SUGCT: variants seen among roughly 807,000 people sequenced by gnomAD.
SUGCT encodes succinyl-CoA:glutarate-CoA transferase.
In SUGCT, 41 loss-of-function variants were observed where a neutral mutation model predicts 55.0. The ratio of observed to expected loss-of-function variants is 0.74; its 90% CI spans 0.58 to 0.97. The LOEUF (loss-of-function observed/expected upper bound fraction) is 0.97. Among genes scored for constraint, SUGCT ranks in the 50% least tolerant of loss-of-function variants. SUGCT has a pLI of 0.00. For synonymous variants in SUGCT, 187 were observed against 200.4 expected, an observed-to-expected ratio of 0.93 and a Z score of 0.56; for missense variants, 568 against 547.8, an observed-to-expected ratio of 1.04 and a Z score of -0.37.
intron 12 of SUGCT, among the ~76,000 whole-genome samples, chr7:40,601,491 A>T (rs1447991971): frequency 1.3e-5 from 2 of 152,202 alleles, no homozygotes; most frequent in African/African-American, 4.8e-5. Context: ...CTGTTGTGGA[A>T]ATACTTACAT....
intron 13 of SUGCT, among the ~76,000 whole-genome samples, chr7:40,841,536 T>A (rs1244678935): frequency 6.6e-6 from 1 of 152,180 alleles, no homozygotes; most frequent in Non-Finnish European, 1.5e-5. Context: ...ACAGAACAAG[T>A]ACCTGTTGTA....
At chr7:40,933,158 G>T in the SUGCT span, among the ~76,000 whole-genome samples, 1 of 152,078 alleles carries the variant, frequency 6.6e-6, no homozygotes, top group African/African-American at 2.4e-5. Flanking sequence ...GCGTTTGCTT[G>T]TCTGTAAAGG....
rs917586517 is a variant in SUGCT, at chr7:40,146,868, T to C, written c.100+11748T>C. On this transcript the variant is annotated intron_variant, in intron 1 of 13. Transcript: ENST00000335693. ...GTGTTATAGGGTCACAGAGAAGACC[T>C]TCAATTATAGGTTTTAAATTTACCT... Among the ~76,000 whole-genome samples, 9 of 152,326 alleles carry C rather than the reference T, an allele frequency of 5.9e-5. No homozygotes were observed. In the South Asian group the frequency reaches 6.2e-4, roughly 11 times the overall value.
intron 13 of SUGCT, among the ~76,000 whole-genome samples, chr7:40,854,352 T>G (rs1794011952): frequency 6.6e-6 from 1 of 152,152 alleles, no homozygotes; most frequent in African/African-American, 2.4e-5. Flanking sequence ...GGGACCTTCT[T>G]TCCCTATGCT....
chr7:40,269,781 GATCTTTTGCCC>G (rs1791882030), intron 7 of SUGCT, among the ~76,000 whole-genome samples: 1 of 152,148 alleles, frequency 6.6e-6, no homozygotes, highest in Admixed American at 6.5e-5. Flanking sequence ...TGTCTATTGA[GATCTTTTGCCC>G]ATATTTAAAT....
chr7:40,446,798 A>G (rs1230370585), intron 9 of SUGCT, among the ~76,000 whole-genome samples: 1 of 152,164 alleles, frequency 6.6e-6, no homozygotes, highest in Non-Finnish European at 1.5e-5. Context: ...GTTCCACTCT[A>G]CCAGCACTGT....
At chr7:40,278,841 T>TAA (rs36033574) in intron 8 of SUGCT, among the ~76,000 whole-genome samples, 10 of 148,316 alleles carry the variant, frequency 6.7e-5, no homozygotes, top group African/African-American at 2.5e-4. Flanking sequence ...TTTTTTTTTT[T>TAA]AAAGAGATAC....
In SUGCT at chr7:40,329,193, C is replaced by T. The variant is rs186009284; in HGVS notation, c.816+12338C>T. On this transcript the variant is annotated intron_variant, in intron 9 of 13. Transcript: ENST00000335693. ...TGCAGGCTGCCTGGGGGGAAAATAA[C>T]TGAGTTCTGATATGGTACCAATTAC... is the stretch of plus-strand genomic sequence containing the variant. Among the ~76,000 whole-genome samples, 19 of 152,194 alleles carry T rather than the reference C, an allele frequency of 1.2e-4. No homozygotes were observed. The East Asian group carries it at 3.5e-3, about 28-fold the overall frequency.
intron 9 of SUGCT, among the ~76,000 whole-genome samples, chr7:40,333,760 C>T (rs1293034555): frequency 7.5e-6 from 1 of 133,258 alleles, no homozygotes; most frequent in Non-Finnish European, 1.6e-5. Context: ...ACCAGTGGCT[C>T]TTTTTTTTTA....
chr7:40,218,913 A>AAATAAAAGGGATT (rs1787845074), intron 6 of SUGCT, among the ~76,000 whole-genome samples: 5 of 152,156 alleles, frequency 3.3e-5, no homozygotes, highest in Admixed American at 3.3e-4. Flanking sequence ...AAAGCTGGCC[A>AAATAAAAGGGATT]CCCGAGCCAG....
chr7:40,959,479 C>T, the SUGCT span, among the ~76,000 whole-genome samples: 5 of 152,174 alleles, frequency 3.3e-5, no homozygotes, highest in Non-Finnish European at 5.9e-5. Context: ...AGGGGAAAAC[C>T]ACCTACTCAA....
intron 9 of SUGCT, among the ~76,000 whole-genome samples, chr7:40,324,317 G>GTTTAATATTAGGCAAATAATATAA (rs1584683595): frequency 6.7e-6 from 1 of 148,610 alleles, no homozygotes; most frequent in East Asian, 2.0e-4. Context: ...GTGCAGTGGC[G>GTTTAATATTAGGCAAATAATATAA]CAATCTCAGC....
chr7:41,014,976 A>T, the SUGCT span, among the ~76,000 whole-genome samples: 3 of 152,224 alleles, frequency 2.0e-5, no homozygotes, highest in African/African-American at 7.2e-5. Flanking sequence ...ATGTTCCAAT[A>T]AATTACCTGA....
intron 8 of SUGCT, among the ~76,000 whole-genome samples, chr7:40,279,001 A>AT (rs111686538): frequency 0.41 from 50,371 of 122,880 alleles, 9,166 homozygotes; most frequent in East Asian, 0.52. Context: ...TAATTTTTGT[A>AT]TTTTTTTTTT....
intron 13 of SUGCT, chr7:40,782,848 G>C (rs1789824071): frequency 6.6e-6 from 1 of 152,260 alleles, no homozygotes; most frequent in Non-Finnish European, 1.5e-5. Context: ...TTTTATCACA[G>C]TATCTTGGGA....
At chr7:40,523,954 A>AATCC (rs1384565584) in intron 12 of SUGCT, among the ~76,000 whole-genome samples, 2 of 152,088 alleles carry the variant, frequency 1.3e-5, no homozygotes, top group Admixed American at 1.3e-4. Flanking sequence ...AGATTTTAGA[A>AATCC]TCACATGAGA....
chr7:40,916,140 G>A, the SUGCT span, among the ~76,000 whole-genome samples: 1 of 151,812 alleles, frequency 6.6e-6, no homozygotes, highest in African/African-American at 2.4e-5. Flanking sequence ...GTATATGAAT[G>A]TTAGGCAGCC....
chr7:40,543,941 G>A (rs1192350871), intron 12 of SUGCT, among the ~76,000 whole-genome samples: 1 of 152,146 alleles, frequency 6.6e-6, no homozygotes, highest in Non-Finnish European at 1.5e-5. Flanking sequence ...TGAGAAAACA[G>A]AAGCCTGTTT....
chr7:40,766,715 A>T (rs1788809394), intron 13 of SUGCT, among the ~76,000 whole-genome samples: 1 of 152,202 alleles, frequency 6.6e-6, no homozygotes, highest in Non-Finnish European at 1.5e-5. Flanking sequence ...TGTAGATTTT[A>T]GCAAATACAC....
Sources: gnomAD v4.1 joint callset for allele counts (sites outside exome capture counted in the v4.1 genomes callset) on GRCh38, gnomAD v4.1.1 for gene constraint, MANE v1.5 for transcripts, NCBI Gene and HGNC (gene_info 2026-07-23, HGNC 2026-07-21) for gene names.